DCLK1: variants seen among roughly 807,000 people sequenced by gnomAD.
The protein encoded by DCLK1 is serine/threonine-protein kinase DCLK1.
Under a neutral mutation model 86.2 loss-of-function variants are expected in DCLK1, and 16 were observed. The ratio of observed to expected loss-of-function variants is 0.19; its 90% CI spans 0.13 to 0.28. The LOEUF is 0.28. DCLK1 is among the 10% of genes least tolerant of loss of function. The pLI is 1.00. For missense variants in DCLK1, 590 were observed against 940.2 expected, an observed-to-expected ratio of 0.63 and a Z score of 4.87; for synonymous variants, 369 against 370.5, an observed-to-expected ratio of 1.00 and a Z score of 0.05.
At chr13:35,880,753 G>T (rs1872842314) in intron 4 of DCLK1, among the ~76,000 whole-genome samples, 1 of 152,176 alleles carries the variant, frequency 6.6e-6, no homozygotes. Context: ...TCCCAGCTGG[G>T]CTTTGCTCAG....
intron 3 of DCLK1, among the ~76,000 whole-genome samples, chr13:36,068,794 G>T (rs1883860388): frequency 6.6e-6 from 1 of 152,090 alleles, no homozygotes; most frequent in East Asian, 1.9e-4. Flanking sequence ...TCAACACAGG[G>T]CATTTCAAAT....
chr13:35,770,122 A>C lies in DCLK1; in HGVS notation c.*4413T>G, dbSNP rs1218351815. Reference sequence around the variant, plus strand: ...TATTTGAGATGATTAAAAATAAAAGACTGGCTTAAAAGCACCTCCTCCTCT... The same window carrying C: ...TATTTGAGATGATTAAAAATAAAAGCCTGGCTTAAAAGCACCTCCTCCTCT... On this transcript the variant is annotated 3_prime_UTR_variant, in exon 17 of 17. Transcript: ENST00000360631. 6.6e-6 allele frequency: 1 copy of C among 152,178 alleles called. No individual in the cohort carries two copies. The highest frequency in any genetic ancestry group is 1.5e-5 in the Non-Finnish European group (1 of 68,026). The allele number at this position is 152,178 out of a possible 1,614,324, so 9.4% of individuals were successfully genotyped here.
At chr13:36,007,460 A>C (rs906909009) in intron 3 of DCLK1, among the ~76,000 whole-genome samples, 2 of 152,108 alleles carry the variant, frequency 1.3e-5, no homozygotes, top group African/African-American at 4.8e-5. Context: ...TTCCCAGCAA[A>C]ATCTCCGCCA....
At chr13:36,090,804 C>T (rs568117058) in intron 3 of DCLK1, among the ~76,000 whole-genome samples, 2 of 152,234 alleles carry the variant, frequency 1.3e-5, no homozygotes, top group Admixed American at 6.5e-5. Context: ...CAGGGGAGCA[C>T]AATGAGGATC....
chr13:35,916,977 TTC>T (rs1875454396), intron 4 of DCLK1, among the ~76,000 whole-genome samples: 2 of 152,178 alleles, frequency 1.3e-5, no homozygotes, highest in South Asian at 4.1e-4. Context: ...ACAGGTGGCC[TTC>T]TTCTACCTCG....
At chr13:36,061,627 T>C (rs1883550220) in intron 3 of DCLK1, among the ~76,000 whole-genome samples, 1 of 152,146 alleles carries the variant, frequency 6.6e-6, no homozygotes, top group South Asian at 2.1e-4. Flanking sequence ...ATAAAAATAA[T>C]ATATCTGGAA....
At chr13:36,063,467 T>C (rs1291116095) in intron 3 of DCLK1, among the ~76,000 whole-genome samples, 1 of 152,058 alleles carries the variant, frequency 6.6e-6, no homozygotes, top group Non-Finnish European at 1.5e-5. Flanking sequence ...GAAAAAAATA[T>C]GCACAGTTAC....
intron 3 of DCLK1, among the ~76,000 whole-genome samples, chr13:36,030,750 A>G (rs778766713): frequency 2.6e-5 from 4 of 152,164 alleles, no homozygotes; most frequent in Admixed American, 6.5e-5. Context: ...AGTTATCGAT[A>G]TAGGGCACAG....
intron 2 of DCLK1, among the ~76,000 whole-genome samples, chr13:36,122,239 C>T (rs1886018478): frequency 6.6e-6 from 1 of 151,998 alleles, no homozygotes; most frequent in Non-Finnish European, 1.5e-5. Context: ...ATGATAGAAA[C>T]TTGGAAAAAG....
chr13:35,949,166 G>T (rs1270700422), intron 3 of DCLK1, among the ~76,000 whole-genome samples: 1 of 152,216 alleles, frequency 6.6e-6, no homozygotes, highest in Non-Finnish European at 1.5e-5. Flanking sequence ...AAGTGTGGAT[G>T]ATTAATACGT....
chr13:35,982,433 G>GAGAGGGA (rs1566631727), intron 3 of DCLK1, among the ~76,000 whole-genome samples: 7 of 21,690 alleles, frequency 3.2e-4, no homozygotes, highest in African/African-American at 1.0e-3. Flanking sequence ...AGAGAGAGAG[G>GAGAGGGA]GGGAGGGAGG....
At chr13:35,855,823 CCAGTGCTGT>C (rs1328150640) in intron 5 of DCLK1, 1 of 1,238,888 alleles carries the variant, frequency 8.1e-7, no homozygotes, top group African/African-American at 1.5e-5. Context: ...TCCGGAAGCC[CCAGTGCTGT>C]CAGTACTTTG....
chr13:36,069,198 A>C (rs1883877155), intron 3 of DCLK1, among the ~76,000 whole-genome samples: 1 of 152,184 alleles, frequency 6.6e-6, no homozygotes, highest in Non-Finnish European at 1.5e-5. Context: ...TACAGTCCAG[A>C]AAATAATGCT....
chr13:35,977,664 A>C (rs1315941009), intron 3 of DCLK1, among the ~76,000 whole-genome samples: 1 of 152,158 alleles, frequency 6.6e-6, no homozygotes, highest in Non-Finnish European at 1.5e-5. Context: ...GATCACAGCC[A>C]GAGATGAATG....
chr13:35,819,490 A>T (rs2087343196), intron 11 of DCLK1, among the ~76,000 whole-genome samples: 1 of 152,220 alleles, frequency 6.6e-6, no homozygotes, highest in Non-Finnish European at 1.5e-5. Flanking sequence ...ATGTATTAAA[A>T]ATACTTTGCT....
At chr13:35,800,332 T>C (rs1383766429) in intron 15 of DCLK1, among the ~76,000 whole-genome samples, 3 of 152,234 alleles carry the variant, frequency 2.0e-5, no homozygotes, top group South Asian at 4.1e-4. Context: ...ATTTTCTCCA[T>C]TTCACAGATA....
intron 16 of DCLK1, among the ~76,000 whole-genome samples, chr13:35,790,535 C>T (rs544487152): frequency 2.0e-5 from 3 of 152,148 alleles, no homozygotes; most frequent in South Asian, 2.1e-4. Flanking sequence ...ATGGTAAAGG[C>T]GGTTTAAAAT....
At position 35,967,361 on chromosome 13, in the gene DCLK1, C is replaced by T. The variant is rs548212890; in HGVS notation, c.724-19904G>A. ...GCTCATTGAGAACAGGCCATGATGA[C>T]GATGGCGGTTTTGTCAAATAGAAAA... On this transcript the variant is annotated intron_variant, in intron 3 of 16. Transcript: ENST00000360631. Among the ~76,000 whole-genome samples the T allele has an allele frequency of 1.9e-3, 296 of 152,252 alleles. 1 individual carries two copies. Among genetic ancestry groups the T allele is most frequent in the African/African-American group, 6.3e-3 (260 of 41,536 alleles).
At chr13:36,129,806 C>T (rs902513579) in intron 1 of DCLK1, among the ~76,000 whole-genome samples, 1 of 152,034 alleles carries the variant, frequency 6.6e-6, no homozygotes, top group Non-Finnish European at 1.5e-5. Context: ...GCCACTGGCT[C>T]TCATCAGAGC....
Sources: gnomAD v4.1 joint callset for allele counts (sites outside exome capture counted in the v4.1 genomes callset) on GRCh38, gnomAD v4.1.1 for gene constraint, MANE v1.5 for transcripts, NCBI Gene and HGNC (gene_info 2026-07-23, HGNC 2026-07-21) for gene names.